The following PPP6R1 variants were observed in gnomAD, a reference collection of about 807,000 sequenced individuals.
PPP6R1 encodes the protein serine/threonine-protein phosphatase 6 regulatory subunit 1.
PPP6R1 carries 39 observed loss-of-function variants against 104.6 expected under a neutral mutation model. The ratio of observed to expected loss-of-function variants is 0.37; its 90% CI spans 0.29 to 0.49. PPP6R1 has a LOEUF of 0.49. PPP6R1 is among the 20% of genes least tolerant of loss of function. The pLI, the probability that PPP6R1 is intolerant of heterozygous loss-of-function variation, is 0.98. For missense variants in PPP6R1, 1,181 were observed against 1,155.8 expected (o/e 1.02, Z -0.32); for synonymous variants, 549 against 479.0 (o/e 1.15, Z -1.91).
Position 55,234,563 on chromosome 19 carries a change from AAG to A in PPP6R1, c.1988+2078_1988+2079del, listed in dbSNP as rs548513222. ...TAATGCTATAAAACTCTTAGAAGAA[AAG>A]AGAGGGCTAAGTCAAGATGCTGGAT... On this transcript the variant is annotated intron_variant, in intron 17 of 23. Transcript: ENST00000412770. Among the ~76,000 whole-genome samples the A allele has an allele frequency of 3.0e-3, 464 of 152,282 alleles. 2 individuals carry two copies. The highest frequency in any genetic ancestry group is 0.01 in the Middle Eastern group (3 of 292).
chr19:55,234,719 C>T (rs1405291383), intron 17 of PPP6R1, among the ~76,000 whole-genome samples: 2 of 152,190 alleles, frequency 1.3e-5, no homozygotes, highest in Non-Finnish European at 2.9e-5. Context: ...GCAGAACAAG[C>T]AATTCAGCTG....
chr19:55,256,416 TA>T (rs2087593933), intron 1 of PPP6R1, among the ~76,000 whole-genome samples: 1 of 152,224 alleles, frequency 6.6e-6, no homozygotes, highest in South Asian at 2.1e-4. Context: ...CCCCCAGTTG[TA>T]ACAACCAAAA....
rs746210090 is a variant in PPP6R1, at chr19:55,240,006, C to A, written c.1470G>T (p.Leu490=). 13 of 1,602,184 alleles carry A rather than the reference C, an allele frequency of 8.1e-6. No homozygotes were observed. The highest frequency in any genetic ancestry group is 1.1e-5 in the Non-Finnish European group (13 of 1,175,278). ...CGGCCTGGGGACCCTCACCCTTCAG[C>A]AGCTGCCGCAGCTGCTCTGCATTGG... ...KGPNAEQLRQ[L]LKELPSEQQE... is the part of the protein sequence containing the mutation. Residue 490 remains leucine, a synonymous_variant, in exon 12 of 24, where the codon CTG becomes CTT. Coordinates refer to ENST00000412770, the MANE Select transcript of PPP6R1 (RefSeq NM_014931.4).
chr19:55,239,495 A>G lies in PPP6R1; in HGVS notation c.1661T>C (p.Met554Thr), dbSNP rs2087429977. 1.9e-6 allele frequency: 3 copies of G among 1,613,960 alleles called. No homozygotes were observed. The highest frequency in any genetic ancestry group is 2.5e-6 in the Non-Finnish European group (3 of 1,179,856). The change falls in exon 15 of 24, where the codon ATG becomes ACG. Residue 554 changes from methionine (M) to threonine (T), a missense_variant. Around this residue, in one of 2 missense-constraint regions of PPP6R1, gnomAD observed 1,042 missense variants for 955.6 expected, o/e 1.09. Transcript: ENST00000412770. ...GGTCATGCGCTGCATCTGGAAGTCC[A>G]TGAAGGCCTGTGGGGGTGCGGAGGT... ...PEEAVLQQAF[M>T]DFQMQRMTSA...
chr19:55,230,580 A>G (rs779679098), intron 23 of PPP6R1, 33 bp downstream of exon 23: 1 of 1,613,000 alleles, frequency 6.2e-7, no homozygotes, highest in South Asian at 1.1e-5. Context: ...GCCCAGCCCC[A>G]CCTACCCAGC....
intron 1 of PPP6R1, among the ~76,000 whole-genome samples, chr19:55,251,700 G>T (rs374392784): frequency 6.6e-6 from 1 of 152,068 alleles, no homozygotes; most frequent in Non-Finnish European, 1.5e-5. Flanking sequence ...TTCCCAGCCC[G>T]CTTGACAAGG....
chr19:55,239,994 C>G lies in PPP6R1; in HGVS notation c.1477+5G>C, dbSNP rs1261691108. ...TAGCCCTCAGGCCGGCCTGGGGACC[C>G]TCACCCTTCAGCAGCTGCCGCAGCT... is the stretch of plus-strand genomic sequence containing the variant. On this transcript the variant is annotated splice_donor_5th_base_variant and intron_variant, in intron 12 of 23. Transcript: ENST00000412770. 6.2e-7 allele frequency: 1 copy of G among 1,606,204 alleles called. No homozygotes were observed. The highest frequency in any genetic ancestry group is 8.5e-7 in the Non-Finnish European group (1 of 1,176,822).
intron 5 of PPP6R1, among the ~76,000 whole-genome samples, chr19:55,243,368 G>A (rs1185366902): frequency 2.1e-5 from 3 of 145,890 alleles, no homozygotes; most frequent in Non-Finnish European, 3.0e-5. Flanking sequence ...AGCCGAGATC[G>A]TGCCACTGCA....
chr19:55,256,143 G>A (rs559790333), intron 1 of PPP6R1, among the ~76,000 whole-genome samples: 27 of 152,360 alleles, frequency 1.8e-4, no homozygotes, highest in Non-Finnish European at 3.1e-4. Flanking sequence ...AGAAACAGTA[G>A]ATGAACCAAC....
At position 55,245,162 on chromosome 19, in the gene PPP6R1, G is replaced by C; in HGVS notation, c.576C>G (p.Val192=). 1 of 1,613,436 alleles carries C rather than the reference G, an allele frequency of 6.2e-7. No individual in the cohort carries two copies. Among genetic ancestry groups the C allele is most frequent in the Admixed American group, 1.7e-5 (1 of 59,962 alleles). ...VVNWLNEEKI[V]QRLIEQIHPS... is the part of the protein sequence containing the mutation. ...GGTGGATCTGCTCAATCAGCCGCTGGACGATCTTCTCCTCGTTGAGCCACT... is the reference window on the plus strand; with the variant it reads ...GGTGGATCTGCTCAATCAGCCGCTGCACGATCTTCTCCTCGTTGAGCCACT... Residue 192 remains valine, a synonymous_variant, in exon 5 of 24, where the codon GTC becomes GTG. Coordinates refer to ENST00000412770, the MANE Select transcript of PPP6R1 (RefSeq NM_014931.4). This position sits in a 1 kb window ranked among gnomAD's most constrained non-coding sequence, Gnocchi z 6.4.
intron 1 of PPP6R1, among the ~76,000 whole-genome samples, chr19:55,249,411 T>C (rs1358358779): frequency 2.0e-5 from 3 of 152,176 alleles, no homozygotes; most frequent in Non-Finnish European, 4.4e-5. Flanking sequence ...CCGGCTAATT[T>C]TTCTATTTTG....
chr19:55,242,266 C>T lies in PPP6R1; in HGVS notation c.745G>A (p.Glu249Lys), dbSNP rs774510721. The T allele has an allele frequency of 1.9e-6, 3 of 1,613,922 alleles. No individual in the cohort carries two copies. In the Admixed American group the frequency reaches 5.0e-5, roughly 27 times the overall value. ...TCGAACATGTTGCTTAAGAGCTGCTCAATCGTCTCCTGCCTGCGGGGGCAG... is the reference window on the plus strand; with the variant it reads ...TCGAACATGTTGCTTAAGAGCTGCTTAATCGTCTCCTGCCTGCGGGGGCAG... ...LATLEKQETI[E>K]QLLSNMFEGE... The change falls in exon 7 of 24, where the codon GAG becomes AAG. Residue 249 changes from glutamate to lysine, a missense_variant. Physicochemically the swap from Glu to Lys is moderately conservative, Grantham distance 56. Around this residue, in one of 2 missense-constraint regions of PPP6R1, gnomAD observed 1,042 missense variants for 955.6 expected, o/e 1.09. Transcript: ENST00000412770.
chr19:55,242,573 G>A, intron 5 of PPP6R1, 85 bp from the exon 6 acceptor site: 1 of 1,169,364 alleles, frequency 8.6e-7, no homozygotes, highest in East Asian at 2.4e-5. Flanking sequence ...CCCATGAGCT[G>A]ACCATCCAGG....
chr19:55,237,516 G>T (rs1381757281), intron 15 of PPP6R1, among the ~76,000 whole-genome samples: 2 of 152,264 alleles, frequency 1.3e-5, no homozygotes, highest in African/African-American at 4.8e-5. Context: ...CACCACGAGG[G>T]TCTAATGATC....
chr19:55,251,067 A>C (rs1233446142), intron 1 of PPP6R1, among the ~76,000 whole-genome samples: 1 of 152,142 alleles, frequency 6.6e-6, no homozygotes, highest in Non-Finnish European at 1.5e-5. Context: ...CAGATCTCTT[A>C]CTAAGCATTC....
intron 1 of PPP6R1, among the ~76,000 whole-genome samples, chr19:55,252,793 C>T (rs1391407222): frequency 6.6e-6 from 1 of 152,182 alleles, no homozygotes; most frequent in African/African-American, 2.4e-5. Flanking sequence ...CTGCCTCGGC[C>T]TCCCAAAGTG....
intron 6 of PPP6R1, 29 bp downstream of exon 6, chr19:55,242,347 C>A (rs1300986252): frequency 6.2e-7 from 1 of 1,612,416 alleles, no homozygotes; most frequent in Admixed American, 1.7e-5. Flanking sequence ...GTCAGCTCCC[C>A]CCAGCCTTAG....
At chr19:55,244,385 G>A (rs1224998174) in intron 5 of PPP6R1, among the ~76,000 whole-genome samples, 1 of 152,238 alleles carries the variant, frequency 6.6e-6, no homozygotes, top group Non-Finnish European at 1.5e-5. Flanking sequence ...CATGGACATG[G>A]GGTCCCCCAG....
Position 55,232,247 on chromosome 19 carries a change from G to A in PPP6R1, c.1989-36C>T, listed in dbSNP as rs1056950839. ...AACCACCTCGTCAGCTAGCTGTGTG[G>A]GACAGACCGGCCGACACCCATCCTG... On this transcript the variant is annotated intron_variant, in intron 17 of 23. Coordinates refer to ENST00000412770, the MANE Select transcript of PPP6R1 (RefSeq NM_014931.4). 4.6e-6 allele frequency: 7 copies of A among 1,510,986 alleles called. No individual in the cohort carries two copies. The African/African-American group carries it at 9.6e-5, about 21-fold the overall frequency. 93.6% of individuals were successfully genotyped at this position (1,510,986 alleles called of 1,614,324 possible). A position where few individuals can be genotyped will look rare whatever the true frequency, so the allele number is the denominator to read the frequency against.
Sources: allele counts gnomAD v4.1 joint callset (sites outside exome capture counted in the v4.1 genomes callset), GRCh38; gene constraint gnomAD v4.1.1; regional missense constraint gnomAD v4.1.1; non-coding constraint Gnocchi (gnomAD v3.1); transcripts MANE v1.5; gene names NCBI Gene and HGNC (gene_info 2026-07-23, HGNC 2026-07-21).